The following ADAMTSL3 variants were observed in gnomAD, a reference collection of about 807,000 sequenced individuals.
ADAMTSL3 encodes ADAMTS-like protein 3.
A neutral mutation model predicts 201.7 loss-of-function variants in ADAMTSL3; 128 were observed. The ratio of observed to expected loss-of-function variants is 0.63; its 90% CI spans 0.55 to 0.73. ADAMTSL3 has a LOEUF of 0.73. Among genes scored for constraint, ADAMTSL3 ranks in the 30% least tolerant of loss-of-function variants. The pLI is 0.00. For synonymous variants in ADAMTSL3, 738 were observed against 748.4 expected, an observed-to-expected ratio of 0.99 and a Z score of 0.23; for missense variants, 1,990 against 2,119.6, an observed-to-expected ratio of 0.94 and a Z score of 1.20.
At chr15:83,814,538 C>T (rs1366574544) in intron 5 of ADAMTSL3, among the ~76,000 whole-genome samples, 3 of 152,188 alleles carry the variant, frequency 2.0e-5, no homozygotes, top group Non-Finnish European at 2.9e-5. Flanking sequence ...ATCCTGTTTA[C>T]ATCACACCAT....
chr15:83,844,087 C>T (rs2064442477), intron 7 of ADAMTSL3, among the ~76,000 whole-genome samples: 1 of 152,164 alleles, frequency 6.6e-6, no homozygotes. Flanking sequence ...GTCTTGTCCA[C>T]ATCAGGGCAC....
chr15:83,817,725 T>C (rs1252671999), intron 5 of ADAMTSL3, among the ~76,000 whole-genome samples: 1 of 151,852 alleles, frequency 6.6e-6, no homozygotes, highest in Non-Finnish European at 1.5e-5. Flanking sequence ...AAAAAGCAAA[T>C]ACACATGAAA....
At chr15:83,973,149 C>T (rs1405517129) in intron 20 of ADAMTSL3, among the ~76,000 whole-genome samples, 2 of 152,170 alleles carry the variant, frequency 1.3e-5, no homozygotes, top group African/African-American at 2.4e-5. Flanking sequence ...AATTTCCCAA[C>T]CTCATCAATT....
intron 6 of ADAMTSL3, among the ~76,000 whole-genome samples, chr15:83,826,554 A>G (rs1325545803): frequency 2.0e-5 from 3 of 151,972 alleles, no homozygotes; most frequent in Non-Finnish European, 4.4e-5. Context: ...GTACATGTGA[A>G]CAACGTGCAG....
intron 15 of ADAMTSL3, among the ~76,000 whole-genome samples, chr15:83,902,978 C>T (rs1052400770): frequency 2.0e-5 from 3 of 152,258 alleles, no homozygotes; most frequent in Admixed American, 6.5e-5. Flanking sequence ...CTTGTTTCAT[C>T]GAAACCATCA....
chr15:83,655,249 G>A (rs1336107174), intron 1 of ADAMTSL3, among the ~76,000 whole-genome samples: 1 of 152,178 alleles, frequency 6.6e-6, no homozygotes, highest in Non-Finnish European at 1.5e-5. Flanking sequence ...AGCGAGGAAA[G>A]CCTTGAACTA....
intron 19 of ADAMTSL3, among the ~76,000 whole-genome samples, chr15:83,947,005 C>A (rs866241580): frequency 2.0e-5 from 3 of 152,178 alleles, no homozygotes; most frequent in Admixed American, 2.0e-4. Context: ...GAGGCTTGAG[C>A]GCAGTCAGGC....
chr15:83,994,586 G>GTTTTTTTTTTTTTT (rs3045402), intron 23 of ADAMTSL3, among the ~76,000 whole-genome samples: 1 of 50,232 alleles, frequency 2.0e-5, no homozygotes, highest in Non-Finnish European at 3.6e-5. Flanking sequence ...TTGTTTTTTC[G>GTTTTTTTTTTTTTT]TTTTTTTTTT....
intron 6 of ADAMTSL3, among the ~76,000 whole-genome samples, chr15:83,836,100 A>G (rs966235778): frequency 2.6e-5 from 4 of 152,252 alleles, no homozygotes; most frequent in African/African-American, 7.2e-5. Flanking sequence ...AAAATCAGCA[A>G]TTATTAATAT....
intron 9 of ADAMTSL3, among the ~76,000 whole-genome samples, chr15:83,878,727 G>A (rs2065222041): frequency 6.6e-6 from 1 of 152,032 alleles, no homozygotes; most frequent in Non-Finnish European, 1.5e-5. Flanking sequence ...TAAGGTTTTT[G>A]TTGTTGTTTT....
chr15:83,798,517 A>G (rs1280204949), intron 4 of ADAMTSL3, among the ~76,000 whole-genome samples: 1 of 152,114 alleles, frequency 6.6e-6, no homozygotes, highest in Non-Finnish European at 1.5e-5. Flanking sequence ...TGTCTAAGAA[A>G]CAGGGACAGG....
rs1427333162 is a variant in ADAMTSL3 at position 83,689,222 on chromosome 15, C to A, written c.70-15167C>A. Among the ~76,000 whole-genome samples, 3 of 152,128 alleles carry A rather than the reference C, an allele frequency of 2.0e-5. No homozygotes were observed. The East Asian group carries it at 5.8e-4, about 29-fold the overall frequency. The stretch of plus-strand genomic sequence containing the variant: ...TAAATTTGTGTAGTGCCCAACTGCA[C>A]AATAATACGTAAGATGGCTCAGTAA... On this transcript the variant is annotated intron_variant, in intron 2 of 29. Coordinates refer to ENST00000286744, the MANE Select transcript of ADAMTSL3 (RefSeq NM_207517.3).
chr15:83,720,993 T>TA (rs1223858273), intron 3 of ADAMTSL3, among the ~76,000 whole-genome samples: 8 of 152,368 alleles, frequency 5.3e-5, no homozygotes, highest in African/African-American at 1.9e-4. Flanking sequence ...AATTTTATTG[T>TA]AAAATACTTG....
chr15:83,684,670 G>A (rs1243645186), intron 2 of ADAMTSL3, among the ~76,000 whole-genome samples: 1 of 152,176 alleles, frequency 6.6e-6, no homozygotes, highest in African/African-American at 2.4e-5. Flanking sequence ...TTATGTTAGT[G>A]AGATTATTCA....
intron 2 of ADAMTSL3, among the ~76,000 whole-genome samples, chr15:83,676,551 G>A (rs751721264): frequency 3.9e-4 from 60 of 152,108 alleles, no homozygotes; most frequent in African/African-American, 1.3e-3. Context: ...GGTGGTGGGC[G>A]CCTGTAGTCC....
At chr15:83,802,647 A>C (rs2063542682) in intron 4 of ADAMTSL3, among the ~76,000 whole-genome samples, 1 of 152,188 alleles carries the variant, frequency 6.6e-6, no homozygotes, top group Non-Finnish European at 1.5e-5. Flanking sequence ...GGAAATGGCA[A>C]ATTGTAGGGA....
At chr15:83,723,622 A>T (rs528952247) in intron 3 of ADAMTSL3, among the ~76,000 whole-genome samples, 1 of 152,304 alleles carries the variant, frequency 6.6e-6, no homozygotes, top group East Asian at 1.9e-4. Flanking sequence ...TATTATGCTT[A>T]TACTTTTGAA....
At chr15:83,963,584 A>T (rs898294288) in intron 19 of ADAMTSL3, among the ~76,000 whole-genome samples, 1 of 152,230 alleles carries the variant, frequency 6.6e-6, no homozygotes, top group African/African-American at 2.4e-5. Flanking sequence ...GTGCAGCTTC[A>T]GCAGACTTAA....
rs1180056311 is a variant in ADAMTSL3, at chr15:83,655,778, G to GCC, written c.20_21dup (p.Trp8ProfsTer5). 1 of 1,614,060 alleles carries GCC rather than the reference G, an allele frequency of 6.2e-7. No homozygotes were observed. The highest frequency in any genetic ancestry group is 1.3e-5 in the African/African-American group (1 of 74,928). ...CTAGACCCCATGGCTTCCTGGACGA[G>GCC]CCCCTGGTGGGTGCTGATAGGGATG... On this transcript the variant is annotated frameshift_variant, in exon 2 of 30. Coordinates refer to ENST00000286744, the MANE Select transcript of ADAMTSL3 (RefSeq NM_207517.3). LOFTEE classifies it high-confidence loss of function.
Sources: allele counts gnomAD v4.1 joint callset (sites outside exome capture counted in the v4.1 genomes callset), GRCh38; gene constraint gnomAD v4.1.1; transcripts MANE v1.5; gene names NCBI Gene and HGNC (gene_info 2026-07-23, HGNC 2026-07-21).